DCHS2: variants seen among roughly 807,000 people sequenced by gnomAD.
DCHS2 encodes the protein protocadherin-23.
Under a neutral mutation model 182.4 loss-of-function variants are expected in DCHS2, and 142 were observed. That is an observed-to-expected ratio of 0.78 (90% CI 0.68 to 0.89). The LOEUF (loss-of-function observed/expected upper bound fraction) is 0.89. Ranked by LOEUF, DCHS2 falls within the 40% of genes least tolerant of loss-of-function variation. DCHS2 has a pLI of 0.00. For synonymous variants in DCHS2, 1,740 were observed against 1,663.3 expected (o/e 1.05, Z -1.12); for missense variants, 4,319 against 4,198.6 (o/e 1.03, Z -0.79).
In DCHS2 at chr4:154,330,157, G is replaced by C. The variant is rs149680456; in HGVS notation, c.3731-447C>G. On this transcript the variant is annotated intron_variant, in intron 5 of 19. Transcript: ENST00000357232. ...TCCTCTGAGCCTGGGACTGCTGTCA[G>C]GAAGAAATGTAATCACACATTTAAA... Among the ~76,000 whole-genome samples, 691 of 152,290 alleles carry C rather than the reference G, an allele frequency of 4.5e-3. 7 individuals carry two copies. Among genetic ancestry groups the C allele is most frequent in the African/African-American group, 0.016 (652 of 41,568 alleles).
chr4:154,445,311 G>A (rs1734235100), intron 1 of DCHS2, among the ~76,000 whole-genome samples: 1 of 152,168 alleles, frequency 6.6e-6, no homozygotes, highest in East Asian at 1.9e-4. Context: ...TTCATGCTCT[G>A]AGAAAACTAA....
At position 154,489,407 on chromosome 4, in the gene DCHS2, C is replaced by T. The variant is rs758022284; in HGVS notation, c.1949G>A (p.Ser650Asn). 59 of 1,551,590 alleles carry T rather than the reference C, an allele frequency of 3.8e-5. No homozygotes were observed. The highest frequency in any genetic ancestry group is 2.0e-4 in the Admixed American group (10 of 50,990). The change falls in exon 1 of 20, where the codon AGC becomes AAC. Residue 650 changes from serine (S) to asparagine (N), a missense_variant. Coordinates refer to ENST00000357232, the MANE Select transcript of DCHS2 (RefSeq NM_001358235.2). ...EPPLSATCLV[S>N]ITVDDVNDNE... ...GTCATTCACATCATCTACGGTGATG[C>T]TCACCAGGCAGGTGGCAGAGAGTGG... is the stretch of plus-strand genomic sequence containing the variant.
intron 1 of DCHS2, among the ~76,000 whole-genome samples, chr4:154,401,376 G>A (rs1732173626): frequency 6.6e-6 from 1 of 151,924 alleles, no homozygotes; most frequent in South Asian, 2.1e-4. Context: ...ATTTTGGGGG[G>A]GTAAAAATCT....
chr4:154,295,242 G>A (rs1028089047), intron 13 of DCHS2, among the ~76,000 whole-genome samples: 2 of 152,164 alleles, frequency 1.3e-5, no homozygotes, highest in South Asian at 2.1e-4. Flanking sequence ...AGAATAAGAC[G>A]TTTCTCTATC....
chr4:154,373,806 GA>G, intron 2 of DCHS2: 1 of 805,258 alleles, frequency 1.2e-6, no homozygotes, highest in Non-Finnish European at 2.0e-6. Flanking sequence ...TCACAGCCAA[GA>G]TGGAGAAGGT....
At chr4:154,413,475 T>G (rs1342128978) in intron 1 of DCHS2, among the ~76,000 whole-genome samples, 4 of 152,230 alleles carry the variant, frequency 2.6e-5, no homozygotes, top group African/African-American at 9.6e-5. Context: ...AATGCAAGTT[T>G]TATATAACAT....
In DCHS2 at chr4:154,236,508, A is replaced by G. The variant is rs569756963; in HGVS notation, c.8144T>C (p.Leu2715Ser). Residue 2715 changes from leucine (L) to serine (S), a missense_variant, in exon 20 of 20, where the codon TTA (leucine) becomes TCA (serine). Coordinates refer to ENST00000357232, the MANE Select transcript of DCHS2 (RefSeq NM_001358235.2). ...ATAAAGAACTCCAGTGTTTTCTTCTAAGTAAAAATGTCCCTTCTCATTTCC... is the reference window on the plus strand; with the variant it reads ...ATAAAGAACTCCAGTGTTTTCTTCTGAGTAAAAATGTCCCTTCTCATTTCC... ...ISGNEKGHFY[L>S]EENTGVLYLI... is the part of the protein sequence containing the mutation. 5.6e-6 allele frequency: 9 copies of G among 1,614,000 alleles called. No individual in the cohort carries two copies. The African/African-American group carries it at 1.2e-4, about 22-fold the overall frequency.
At chr4:154,430,594 T>C (rs1733520493) in intron 1 of DCHS2, among the ~76,000 whole-genome samples, 1 of 152,236 alleles carries the variant, frequency 6.6e-6, no homozygotes, top group Non-Finnish European at 1.5e-5. Context: ...TGTAGAATTC[T>C]TGGACCTGTT....
In DCHS2 at chr4:154,491,016, CCAG is replaced by C; in HGVS notation, c.337_339del (p.Leu113del). ...GTGTCCGGGTGCACGTGGAAGTCGT[CCAG>C]CAGCGGGGAGTCATCGGAGTCCTCC... On this transcript the variant is annotated inframe_deletion, in exon 1 of 20. Transcript: ENST00000357232. The C allele has an allele frequency of 6.4e-7, 1 of 1,550,838 alleles. No homozygotes were observed. The highest frequency in any genetic ancestry group is 8.7e-7 in the Non-Finnish European group (1 of 1,146,568).
At position 154,233,833 on chromosome 4, in the gene DCHS2, G is replaced by T. The variant is rs534417694; in HGVS notation, c.*703C>A. ...CCCTCTATCAGGAACATGCATTTCT[G>T]GTTTATTGAATCATGAATAATTATT... On this transcript the variant is annotated 3_prime_UTR_variant, in exon 20 of 20. Coordinates refer to ENST00000357232, the MANE Select transcript of DCHS2 (RefSeq NM_001358235.2). The T allele has an allele frequency of 6.6e-6, 1 of 151,888 alleles. No homozygotes were observed. The highest frequency in any genetic ancestry group is 1.5e-5 in the Non-Finnish European group (1 of 67,954). 9.4% of individuals were successfully genotyped at this position (151,888 alleles called of 1,614,324 possible).
intron 1 of DCHS2, among the ~76,000 whole-genome samples, chr4:154,427,484 G>A (rs1181456486): frequency 2.6e-5 from 4 of 152,162 alleles, no homozygotes; most frequent in Non-Finnish European, 4.4e-5. Flanking sequence ...GCCCGACCAC[G>A]CAGCAACCCC....
At chr4:154,254,519 T>G (rs902406288) in intron 16 of DCHS2, among the ~76,000 whole-genome samples, 1 of 152,206 alleles carries the variant, frequency 6.6e-6, no homozygotes, top group Non-Finnish European at 1.5e-5. Flanking sequence ...CAGTCCCCAC[T>G]CATGGATATT....
chr4:154,333,867 C>T, intron 4 of DCHS2: 1 of 207,188 alleles, frequency 4.8e-6, no homozygotes, highest in African/African-American at 2.3e-5. Flanking sequence ...TCTAATGAGG[C>T]ATTTCTCAAA....
At chr4:154,465,052 T>A (rs1459632486) in intron 1 of DCHS2, among the ~76,000 whole-genome samples, 1 of 152,236 alleles carries the variant, frequency 6.6e-6, no homozygotes, top group African/African-American at 2.4e-5. Flanking sequence ...AGTTGCTGCA[T>A]ACAACATTAT....
chr4:154,395,297 T>C (rs1326135727), intron 1 of DCHS2, among the ~76,000 whole-genome samples: 2 of 152,204 alleles, frequency 1.3e-5, no homozygotes, highest in Non-Finnish European at 2.9e-5. Context: ...GAGAATCTGA[T>C]GAACTTTTCT....
intron 1 of DCHS2, among the ~76,000 whole-genome samples, chr4:154,388,683 A>T (rs1286806772): frequency 6.6e-6 from 1 of 151,642 alleles, no homozygotes; most frequent in East Asian, 1.9e-4. Context: ...TTTAGTAGAG[A>T]TGGGGTTTCA....
intron 13 of DCHS2, among the ~76,000 whole-genome samples, chr4:154,282,929 C>G (rs1238925896): frequency 2.6e-5 from 4 of 151,996 alleles, no homozygotes; most frequent in Non-Finnish European, 2.9e-5. Flanking sequence ...AAGCCAGTTA[C>G]AAAAACAAAT....
intron 13 of DCHS2, among the ~76,000 whole-genome samples, chr4:154,292,939 T>C (rs1461180386): frequency 1.3e-5 from 2 of 152,216 alleles, no homozygotes; most frequent in African/African-American, 4.8e-5. Context: ...TGTGCCACTT[T>C]CTTGTTTCTC....
At chr4:154,270,226 G>T (rs1264280020) in intron 13 of DCHS2, among the ~76,000 whole-genome samples, 1 of 152,136 alleles carries the variant, frequency 6.6e-6, no homozygotes, top group Non-Finnish European at 1.5e-5. Flanking sequence ...CCTCATGGTG[G>T]TTATTAACTT....
Sources: allele counts gnomAD v4.1 joint callset (sites outside exome capture counted in the v4.1 genomes callset), GRCh38; gene constraint gnomAD v4.1.1; transcripts MANE v1.5; gene names NCBI Gene and HGNC (gene_info 2026-07-23, HGNC 2026-07-21).